INPP4B: variants seen among roughly 807,000 people sequenced by gnomAD.
The protein encoded by INPP4B is inositol polyphosphate-4-phosphatase type II B.
Under a neutral mutation model 122.5 loss-of-function variants are expected in INPP4B, and 55 were observed. The ratio of observed to expected loss-of-function variants is 0.45; its 90% CI spans 0.36 to 0.56. The LOEUF (loss-of-function observed/expected upper bound fraction) is 0.56, where lower values mean the gene tolerates loss of function less well. Ranked by LOEUF, INPP4B falls within the 20% of genes least tolerant of loss-of-function variation. The pLI is 0.00. For missense variants in INPP4B, 1,000 were observed against 1,097.7 expected, an observed-to-expected ratio of 0.91 and a Z score of 1.26; for synonymous variants, 403 against 388.7, an observed-to-expected ratio of 1.04 and a Z score of -0.43.
chr4:142,763,922 G>GA (rs1771707881), intron 1 of INPP4B, among the ~76,000 whole-genome samples: 1 of 152,052 alleles, frequency 6.6e-6, no homozygotes, highest in African/African-American at 2.4e-5. Context: ...AAATTCTATA[G>GA]AAAATTAATG....
chr4:142,720,782 T>TATA (rs1379177708), intron 2 of INPP4B, among the ~76,000 whole-genome samples: 2 of 17,678 alleles, frequency 1.1e-4, no homozygotes, highest in African/African-American at 4.1e-4. Context: ...TCTCTCTCTC[T>TATA]CTCTCTCTCT....
chr4:142,477,778 G>C (rs1217410644), intron 2 of INPP4B, among the ~76,000 whole-genome samples: 2 of 152,132 alleles, frequency 1.3e-5, no homozygotes, highest in Non-Finnish European at 2.9e-5. Context: ...AATTGCATCA[G>C]TAATACAAAT....
intron 9 of INPP4B, among the ~76,000 whole-genome samples, chr4:142,303,454 T>C (rs1762251521): frequency 6.6e-6 from 1 of 152,090 alleles, no homozygotes; most frequent in Non-Finnish European, 1.5e-5. Flanking sequence ...AGGAATATTT[T>C]AAAATACAAC....
chr4:142,718,766 T>C (rs752232762), intron 2 of INPP4B, among the ~76,000 whole-genome samples: 2 of 152,182 alleles, frequency 1.3e-5, no homozygotes, highest in Non-Finnish European at 2.9e-5. Flanking sequence ...AATCAAAGTC[T>C]TGGGGAAAAT....
intron 1 of INPP4B, among the ~76,000 whole-genome samples, chr4:142,730,354 T>C (rs1458892092): frequency 6.6e-6 from 1 of 152,208 alleles, no homozygotes; most frequent in East Asian, 1.9e-4. Flanking sequence ...CTAAAAATTA[T>C]ACAATATGTC....
chr4:142,024,140 A>G lies in INPP4B; in HGVS notation c.*4642T>C, dbSNP rs919923772. On this transcript the variant is annotated 3_prime_UTR_variant, in exon 26 of 26. Transcript: ENST00000262992. ...TTAACTCTACACATAATGGCTTGCA[A>G]TATTTTATCTAAAACATTCATTTTA... is the stretch of plus-strand genomic sequence containing the variant. 16 of 152,188 alleles carry G rather than the reference A, an allele frequency of 1.1e-4. No individual in the cohort carries two copies. The highest frequency in any genetic ancestry group is 3.6e-4 in the African/African-American group (15 of 41,458). 9.4% of individuals were successfully genotyped at this position (152,188 alleles called of 1,614,324 possible).
intron 23 of INPP4B, among the ~76,000 whole-genome samples, chr4:142,100,640 T>C (rs376527147): frequency 6.6e-6 from 1 of 152,184 alleles, no homozygotes; most frequent in Non-Finnish European, 1.5e-5. Context: ...CCTAACTCAA[T>C]TGTCCTTCTC....
intron 1 of INPP4B, among the ~76,000 whole-genome samples, chr4:142,833,739 T>C (rs868232437): frequency 6.6e-6 from 1 of 152,092 alleles, no homozygotes; most frequent in African/African-American, 2.4e-5. Context: ...TTTTAATAAA[T>C]GCAAGTTTGT....
intron 2 of INPP4B, among the ~76,000 whole-genome samples, chr4:142,612,050 T>C (rs1742656067): frequency 1.3e-5 from 2 of 152,270 alleles, no homozygotes; most frequent in South Asian, 4.1e-4. Flanking sequence ...TTTTTGGACC[T>C]CAATAGGTTT....
intron 2 of INPP4B, among the ~76,000 whole-genome samples, chr4:142,668,040 C>G (rs935477722): frequency 2.0e-5 from 3 of 151,986 alleles, no homozygotes; most frequent in African/African-American, 7.2e-5. Flanking sequence ...TTATATGAGG[C>G]CAGCATTACC....
At position 142,086,181 on chromosome 4, in the gene INPP4B, T is replaced by C; in HGVS notation, c.2450A>G (p.Lys817Arg). The change falls in exon 24 of 26, where the codon AAA (lysine) becomes AGA (arginine). Residue 817 changes from lysine (K) to arginine (R), a missense_variant. Coordinates refer to ENST00000262992, the MANE Select transcript of INPP4B (RefSeq NM_001101669.3). ...ENLLQNIQSK[K>R]RKNVEIMWLA... is the part of the protein sequence containing the mutation. ...CCACATAATTTCTACATTCTTTCTT[T>C]TTTTGGATTGGATATTTTGAAGGAG... is the stretch of plus-strand genomic sequence containing the variant. 6.2e-7 allele frequency: 1 copy of C among 1,602,484 alleles called. No individual in the cohort carries two copies. The highest frequency in any genetic ancestry group is 8.6e-7 in the Non-Finnish European group (1 of 1,169,530).
chr4:142,441,228 G>A (rs760926497), intron 3 of INPP4B, among the ~76,000 whole-genome samples: 1 of 152,060 alleles, frequency 6.6e-6, no homozygotes, highest in Non-Finnish European at 1.5e-5. Context: ...CCTATTTAGA[G>A]GTTAATATTC....
intron 12 of INPP4B, among the ~76,000 whole-genome samples, chr4:142,211,012 T>C (rs1844641690): frequency 6.6e-6 from 1 of 152,196 alleles, no homozygotes; most frequent in Non-Finnish European, 1.5e-5. Flanking sequence ...CACTCTTCCA[T>C]TATGCCACAA....
chr4:142,180,842 G>A (rs748602408), intron 15 of INPP4B, among the ~76,000 whole-genome samples: 31 of 151,978 alleles, frequency 2.0e-4, no homozygotes, highest in South Asian at 4.1e-4. Context: ...AATTAAAGAC[G>A]TTCTCACCTA....
intron 1 of INPP4B, among the ~76,000 whole-genome samples, chr4:142,773,895 G>A (rs902380141): frequency 6.1e-4 from 92 of 151,102 alleles, no homozygotes; most frequent in African/African-American, 2.2e-3. Flanking sequence ...TAACAGTAGC[G>A]CTGCCTTCCA....
chr4:142,125,972 A>C (rs995452357), intron 18 of INPP4B, among the ~76,000 whole-genome samples: 1 of 152,176 alleles, frequency 6.6e-6, no homozygotes, highest in Non-Finnish European at 1.5e-5. Context: ...TGGGATTCAA[A>C]TAGCTGTTCT....
Position 142,146,856 on chromosome 4 carries a change from T to C in INPP4B, c.1564-860A>G, listed in dbSNP as rs1811028994. ...GTGATTTATTTCCCAAGAAGCAGCC[T>C]GTACCACTAACGGGCCTCTTTGCCA... is the stretch of plus-strand genomic sequence containing the variant. On this transcript the variant is annotated intron_variant, in intron 17 of 25. Transcript: ENST00000262992. Among the ~76,000 whole-genome samples, 4 of 152,354 alleles carry C rather than the reference T, an allele frequency of 2.6e-5. No individual in the cohort carries two copies. The South Asian group carries it at 8.3e-4, about 32-fold the overall frequency.
chr4:142,741,735 C>T (rs190699060), intron 1 of INPP4B, among the ~76,000 whole-genome samples: 53 of 151,694 alleles, frequency 3.5e-4, no homozygotes, highest in African/African-American at 1.2e-3. Flanking sequence ...AAAACAAAGA[C>T]AGAAAAAGTG....
At position 142,429,193 on chromosome 4, in the gene INPP4B, G is replaced by A. The variant is rs1483862322; in HGVS notation, c.116C>T (p.Pro39Leu). 15 of 1,565,196 alleles carry A rather than the reference G, an allele frequency of 9.6e-6. No individual in the cohort carries two copies. Among genetic ancestry groups the A allele is most frequent in the Non-Finnish European group, 1.2e-5 (14 of 1,141,326 alleles). Residue 39 changes from proline (P) to leucine (L), a missense_variant, in exon 5 of 26, where the codon CCG becomes CTG. Pro to Leu is a moderately conservative substitution (Grantham distance 98, BLOSUM62 -3). Coordinates refer to ENST00000262992, the MANE Select transcript of INPP4B (RefSeq NM_001101669.3). The part of the protein sequence containing the change: ...FTSIQKTPNE[P>L]QLEFILACKD... ...CTTACCAAGGATGAATTCCAACTGC[G>A]GTTCATTTGGAGTCTTCTGGATACC...
Sources: allele counts gnomAD v4.1 joint callset (sites outside exome capture counted in the v4.1 genomes callset), GRCh38; gene constraint gnomAD v4.1.1; transcripts MANE v1.5; gene names NCBI Gene and HGNC (gene_info 2026-07-23, HGNC 2026-07-21).